DNM1L: variants seen among roughly 807,000 people sequenced by gnomAD.
DNM1L encodes the protein dynamin-1-like protein.
In DNM1L, 33 loss-of-function variants were observed where a neutral mutation model predicts 92.8. The ratio of observed to expected loss-of-function variants is 0.36; its 90% CI spans 0.27 to 0.48. DNM1L has a LOEUF of 0.48. Ranked by LOEUF, DNM1L falls within the 20% of genes least tolerant of loss-of-function variation. DNM1L has a pLI of 0.99. For synonymous variants in DNM1L, 284 were observed against 305.0 expected, an observed-to-expected ratio of 0.93 and a Z score of 0.72; for missense variants, 485 against 888.8, an observed-to-expected ratio of 0.55 and a Z score of 5.78.
chr12:32,718,531 A>T (rs535300579), intron 6 of DNM1L, 112 bp from the exon 7 acceptor site: 2 of 1,311,674 alleles, frequency 1.5e-6, no homozygotes, highest in African/African-American at 1.5e-5. Flanking sequence ...TGACAGAGGT[A>T]ATACTAAGTG....
chr12:32,683,652 C>T (rs1251974645), intron 1 of DNM1L, among the ~76,000 whole-genome samples: 1 of 152,152 alleles, frequency 6.6e-6, no homozygotes, highest in African/African-American at 2.4e-5. Flanking sequence ...TCAAGTGATT[C>T]TCCTGCCTCA....
intron 9 of DNM1L, among the ~76,000 whole-genome samples, chr12:32,730,652 C>T (rs1954497530): frequency 6.6e-6 from 1 of 152,192 alleles, no homozygotes; most frequent in East Asian, 1.9e-4. Context: ...AAAAGTTTGC[C>T]AACCTCTACT....
At chr12:32,742,886 ATCTT>A (rs1955408702) in intron 19 of DNM1L, 138 bp downstream of exon 19, 23 of 606,258 alleles carry the variant, frequency 3.8e-5, no homozygotes, top group South Asian at 6.9e-5. Flanking sequence ...CTTGATAAGA[ATCTT>A]TTTTTTTTTT....
chr12:32,688,117 G>T (rs1952097853), intron 1 of DNM1L, among the ~76,000 whole-genome samples: 1 of 151,950 alleles, frequency 6.6e-6, no homozygotes. Context: ...TAGAGATGGG[G>T]TTTCACCACG....
At chr12:32,691,808 T>C (rs541144999) in intron 1 of DNM1L, among the ~76,000 whole-genome samples, 1 of 152,308 alleles carries the variant, frequency 6.6e-6, no homozygotes, top group Admixed American at 6.5e-5. Context: ...AGAGAAACGA[T>C]AATCCTAACA....
Position 32,731,334 on chromosome 12 carries a change from G to A in DNM1L, c.1201-22G>A, listed in dbSNP as rs773892591. On this transcript the variant is annotated intron_variant, in intron 10 of 19. Transcript: ENST00000549701. This position sits in a 1 kb window ranked among gnomAD's most constrained non-coding sequence, Gnocchi z 5.1. ...AACTGAAATTACATATATAATAAGA[G>A]TTCTAAGTTTTATTTTCTCAGGGTC... is the stretch of plus-strand genomic sequence containing the variant. 2 of 1,613,848 alleles carry A rather than the reference G, an allele frequency of 1.2e-6. No homozygotes were observed. Among genetic ancestry groups the A allele is most frequent in the Non-Finnish European group, 1.7e-6 (2 of 1,179,968 alleles).
intron 9 of DNM1L, among the ~76,000 whole-genome samples, chr12:32,727,729 A>G (rs1296892988): frequency 6.6e-6 from 1 of 152,124 alleles, no homozygotes; most frequent in Non-Finnish European, 1.5e-5. Flanking sequence ...CAGTCTGAAG[A>G]TTTGCATAGT....
At position 32,744,720 on chromosome 12, in the gene DNM1L, A is replaced by AT. The variant is rs1222319962; in HGVS notation, c.*1310_*1311insT. 1 of 366,232 alleles carries AT rather than the reference A, an allele frequency of 2.7e-6. No individual in the cohort carries two copies. Among genetic ancestry groups the AT allele is most frequent in the Admixed American group, 4.0e-5 (1 of 24,816 alleles). The allele number at this position is 366,232 out of a possible 1,614,324, so 22.7% of individuals were successfully genotyped here. A position where few individuals can be genotyped will look rare whatever the true frequency, so the allele number is the denominator to read the frequency against. ...AAGAGCGAAACTCCGTCTCAAAAAA[A>AT]AAAAATAAAACAACACCCAGATAGA... On this transcript the variant is annotated 3_prime_UTR_variant, in exon 20 of 20. Coordinates refer to ENST00000549701, the MANE Select transcript of DNM1L (RefSeq NM_012062.5).
chr12:32,693,620 C>A (rs1952316784), intron 1 of DNM1L, among the ~76,000 whole-genome samples: 1 of 151,992 alleles, frequency 6.6e-6, no homozygotes, highest in Non-Finnish European at 1.5e-5. Context: ...AGTCGCACAA[C>A]CATCACCTTA....
At chr12:32,728,000 C>A (rs927850504) in intron 9 of DNM1L, among the ~76,000 whole-genome samples, 1 of 152,154 alleles carries the variant, frequency 6.6e-6, no homozygotes, top group Non-Finnish European at 1.5e-5. Flanking sequence ...ACATCCATTT[C>A]TCTACACCCT....
At chr12:32,736,941 T>C (rs1396076225) in intron 13 of DNM1L, 164 bp from the exon 14 acceptor site, 1 of 689,098 alleles carries the variant, frequency 1.5e-6, no homozygotes, top group Non-Finnish European at 2.4e-6. Context: ...TTGGGTTAAA[T>C]GATTTCTTAT....
chr12:32,702,802 T>A (rs1201102959), intron 2 of DNM1L, among the ~76,000 whole-genome samples: 1 of 152,188 alleles, frequency 6.6e-6, no homozygotes, highest in Admixed American at 6.5e-5. Flanking sequence ...TTAGATAGAC[T>A]GCCAGTGGCT....
At chr12:32,715,123 C>CA (rs1385850521) in intron 6 of DNM1L, among the ~76,000 whole-genome samples, 1 of 143,598 alleles carries the variant, frequency 7.0e-6, no homozygotes, top group African/African-American at 2.6e-5. Flanking sequence ...TGTAGGGTCT[C>CA]ACTCTGTTGC....
chr12:32,712,369 T>C (rs931482237), intron 5 of DNM1L, among the ~76,000 whole-genome samples: 1 of 152,164 alleles, frequency 6.6e-6, no homozygotes, highest in Non-Finnish European at 1.5e-5. Flanking sequence ...CCCAGATGTC[T>C]GTATGTTATT....
At chr12:32,735,143 G>A (rs559802078) in intron 13 of DNM1L, among the ~76,000 whole-genome samples, 10 of 152,266 alleles carry the variant, frequency 6.6e-5, no homozygotes, top group African/African-American at 2.4e-4. Flanking sequence ...AAGGTCATAT[G>A]TGATATGATT....
chr12:32,683,527 T>A (rs1246894952), intron 1 of DNM1L, among the ~76,000 whole-genome samples: 1 of 151,354 alleles, frequency 6.6e-6, no homozygotes, highest in African/African-American at 2.4e-5. Flanking sequence ...CTAAAAATAA[T>A]TTGGATTTTA....
rs554738780 is a variant in DNM1L, at chr12:32,698,343, C to G, written c.103-3072C>G. On this transcript the variant is annotated intron_variant, in intron 1 of 19. Coordinates refer to ENST00000549701, the MANE Select transcript of DNM1L (RefSeq NM_012062.5). ...GAGAAAAAAAGTCCCGGTCTTGATT[C>G]CCCCATCTCATACATTCTGTATGTA... Among the ~76,000 whole-genome samples the G allele has an allele frequency of 2.0e-5, 3 of 152,232 alleles. No homozygotes were observed. The South Asian group carries it at 6.2e-4, about 32-fold the overall frequency.
chr12:32,742,563 T>C (rs753408316), intron 18 of DNM1L, 26 bp from the exon 19 acceptor site: 11 of 1,613,860 alleles, frequency 6.8e-6, no homozygotes, highest in Non-Finnish European at 9.3e-6. Flanking sequence ...TTGGCTAAAA[T>C]TCCATAATTT....
At position 32,740,299 on chromosome 12, in the gene DNM1L, G is replaced by T. The variant is rs1227168121; in HGVS notation, c.1884+59G>T. On this transcript the variant is annotated intron_variant, in intron 17 of 19. Transcript: ENST00000549701. ...TAGGTGACCAAGTTAGTAGGAAAAC[G>T]ATTAGACAGAAAGAACTAAAAGTCT... 2.0e-5 allele frequency: 33 copies of T among 1,612,500 alleles called. 1 individual carries two copies. The East Asian group carries it at 6.9e-4, about 34-fold the overall frequency.
Sources: gnomAD v4.1 joint callset for allele counts (sites outside exome capture counted in the v4.1 genomes callset) on GRCh38, gnomAD v4.1.1 for gene constraint, Gnocchi (gnomAD v3.1) non-coding constraint, MANE v1.5 for transcripts, NCBI Gene and HGNC (gene_info 2026-07-23, HGNC 2026-07-21) for gene names.